Variants in IL1RAPL1 observed in about 807,000 individuals in gnomAD.
The protein encoded by IL1RAPL1 is interleukin-1 receptor accessory protein-like 1.
A neutral mutation model predicts 48.4 loss-of-function variants in IL1RAPL1; 3 were observed. The ratio of observed to expected loss-of-function variants is 0.06; its 90% CI spans 0.03 to 0.16. IL1RAPL1 has a LOEUF of 0.16. IL1RAPL1 is among the 10% of genes least tolerant of loss of function. IL1RAPL1 has a pLI of 1.00. For synonymous variants in IL1RAPL1, 185 were observed against 187.7 expected, an observed-to-expected ratio of 0.99 and a Z score of 0.12; for missense variants, 349 against 530.6, an observed-to-expected ratio of 0.66 and a Z score of 3.36.
chrX:29,759,920 A>T, intron 6 of IL1RAPL1, among the ~76,000 whole-genome samples: 1 of 111,566 alleles, frequency 9.0e-6, no homozygotes, highest in East Asian at 2.8e-4. Context: ...CCACCGTAAC[A>T]ACTTAAATGA....
intron 6 of IL1RAPL1, among the ~76,000 whole-genome samples, chrX:29,848,813 T>G (rs971568069): frequency 4.5e-5 from 5 of 111,096 alleles, no homozygotes; most frequent in African/African-American, 9.8e-5. Flanking sequence ...TCACCCAGGT[T>G]GGAGTGCAGT....
chrX:28,881,117 A>G (rs1037782966), intron 2 of IL1RAPL1, among the ~76,000 whole-genome samples: 2 of 111,306 alleles, frequency 1.8e-5, no homozygotes, highest in South Asian at 7.7e-4. Flanking sequence ...AGAGAAGGGC[A>G]CCTATTGAGC....
chrX:28,782,925 CT>C (rs1297093621), intron 1 of IL1RAPL1, among the ~76,000 whole-genome samples: 1 of 111,178 alleles, frequency 9.0e-6, no homozygotes, highest in Non-Finnish European at 1.9e-5. Flanking sequence ...TATCATTGCT[CT>C]TTTTTTTCTT....
intron 5 of IL1RAPL1, among the ~76,000 whole-genome samples, chrX:29,610,824 G>C (rs1924069003): frequency 8.9e-6 from 1 of 112,153 alleles, no homozygotes; most frequent in Admixed American, 9.4e-5. Flanking sequence ...GTGGCGTCTA[G>C]GGTTGTGTTA....
chrX:28,606,291 A>AT (rs1488671939), intron 1 of IL1RAPL1, among the ~76,000 whole-genome samples: 1 of 112,066 alleles, frequency 8.9e-6, no homozygotes, highest in Non-Finnish European at 1.9e-5. Flanking sequence ...CAGTTAGAGC[A>AT]TTTTTTCACA....
intron 5 of IL1RAPL1, among the ~76,000 whole-genome samples, chrX:29,652,787 C>G (rs1054846495): frequency 3.1e-4 from 35 of 111,764 alleles, no homozygotes; most frequent in Non-Finnish European, 1.7e-4. Context: ...AAGCCTGGCC[C>G]TGATCAGTTA....
chrX:29,591,759 A>G (rs1041644588), intron 5 of IL1RAPL1, among the ~76,000 whole-genome samples: 3 of 112,753 alleles, frequency 2.7e-5, no homozygotes, highest in Admixed American at 1.9e-4. Context: ...GCGGAGCAGC[A>G]ATTTGCAGGC....
chrX:29,745,395 A>G (rs1182960600), intron 6 of IL1RAPL1, among the ~76,000 whole-genome samples: 3 of 106,505 alleles, frequency 2.8e-5, no homozygotes, highest in Middle Eastern at 4.9e-3. Context: ...TGCAGGGTCA[A>G]AAATGACCCT....
chrX:29,915,978 G>A (rs1291897525), intron 6 of IL1RAPL1, among the ~76,000 whole-genome samples: 5 of 91,509 alleles, frequency 5.5e-5, no homozygotes, highest in Non-Finnish European at 8.5e-5. Flanking sequence ...CAATTCCCAC[G>A]TATGAGTGAG....
At chrX:29,733,773 A>G (rs1332731695) in intron 6 of IL1RAPL1, among the ~76,000 whole-genome samples, 2 of 112,514 alleles carry the variant, frequency 1.8e-5, no homozygotes, top group Admixed American at 9.4e-5. Context: ...AAATAATACC[A>G]TATACCAAAT....
chrX:29,945,647 G>A, intron 9 of IL1RAPL1, among the ~76,000 whole-genome samples: 1 of 111,710 alleles, frequency 9.0e-6, no homozygotes, highest in Non-Finnish European at 1.9e-5. Flanking sequence ...CAGAATTTAA[G>A]CTCCGGTCTA....
At chrX:29,894,824 C>A (rs1312273922) in intron 6 of IL1RAPL1, among the ~76,000 whole-genome samples, 1 of 110,648 alleles carries the variant, frequency 9.0e-6, no homozygotes, top group East Asian at 2.8e-4. Flanking sequence ...CTCTACCATT[C>A]ATCTGTTCTT....
At chrX:28,641,220 C>G (rs772118372) in intron 1 of IL1RAPL1, among the ~76,000 whole-genome samples, 3 of 109,807 alleles carry the variant, frequency 2.7e-5, no homozygotes, top group South Asian at 4.1e-4. Context: ...CCCCAGCCCA[C>G]CACTCCCCAA....
At chrX:28,794,464 A>G (rs1490401501) in intron 2 of IL1RAPL1, among the ~76,000 whole-genome samples, 1 of 111,976 alleles carries the variant, frequency 8.9e-6, no homozygotes, top group African/African-American at 3.2e-5. Flanking sequence ...AGTATAGGAA[A>G]AAAGTATTCA....
chrX:29,486,193 T>C (rs1056459542), intron 5 of IL1RAPL1, among the ~76,000 whole-genome samples: 1 of 110,795 alleles, frequency 9.0e-6, no homozygotes, highest in Admixed American at 9.6e-5. Flanking sequence ...CTGGAAAGCT[T>C]GTAGATCCCA....
intron 2 of IL1RAPL1, among the ~76,000 whole-genome samples, chrX:29,227,041 C>T (rs1457510554): frequency 9.2e-6 from 1 of 108,410 alleles, no homozygotes; most frequent in Admixed American, 1.0e-4. Flanking sequence ...ATTTGAATCA[C>T]CTGCGTGGAC....
intron 6 of IL1RAPL1, among the ~76,000 whole-genome samples, chrX:29,897,760 A>ATAATC (rs1014223796): frequency 2.1e-4 from 23 of 111,857 alleles, no homozygotes; most frequent in Middle Eastern, 4.6e-3. Context: ...TCGCTAATCT[A>ATAATC]TAATCTAATC....
intron 2 of IL1RAPL1, among the ~76,000 whole-genome samples, chrX:29,258,702 T>G (rs1360214417): frequency 9.0e-6 from 1 of 111,293 alleles, no homozygotes; most frequent in Non-Finnish European, 1.9e-5. Flanking sequence ...CTGTTAGCAT[T>G]TATGGGCTAT....
At chrX:29,127,816 T>C (rs1488132192) in intron 2 of IL1RAPL1, among the ~76,000 whole-genome samples, 1 of 110,366 alleles carries the variant, frequency 9.1e-6, no homozygotes, top group African/African-American at 3.3e-5. Context: ...AAAAATAAAA[T>C]TAGCCAGGCA....
Sources: gnomAD v4.1 joint callset for allele counts (sites outside exome capture counted in the v4.1 genomes callset) on GRCh38, gnomAD v4.1.1 for gene constraint, MANE v1.5 for transcripts, NCBI Gene and HGNC (gene_info 2026-07-23, HGNC 2026-07-21) for gene names.